Variants in CNTN4 observed in about 807,000 individuals in gnomAD.
The protein encoded by CNTN4 is contactin 4.
CNTN4 carries 77 observed loss-of-function variants against 122.5 expected under a neutral mutation model. The ratio of observed to expected loss-of-function variants is 0.63; its 90% confidence interval spans 0.52 to 0.76. The LOEUF (loss-of-function observed/expected upper bound fraction) is 0.76. Among genes scored for constraint, CNTN4 ranks in the 30% least tolerant of loss-of-function variants. The pLI is 0.00. For synonymous variants in CNTN4, 512 were observed against 447.0 expected (o/e 1.15, Z -1.83); for missense variants, 1,256 against 1,259.1 (o/e 1.00, Z 0.04).
At chr3:2,211,176 G>C (rs2092308048) in intron 2 of CNTN4, among the ~76,000 whole-genome samples, 1 of 152,122 alleles carries the variant, frequency 6.6e-6, no homozygotes, top group Admixed American at 6.6e-5. Flanking sequence ...TATGTCAAAA[G>C]CAGAAGCAAG....
intron 5 of CNTN4, among the ~76,000 whole-genome samples, chr3:2,744,947 G>A (rs1418772887): frequency 6.6e-6 from 1 of 152,154 alleles, no homozygotes; most frequent in Admixed American, 6.5e-5. Context: ...GTGTGCCGGT[G>A]GTGAAGGAGC....
At chr3:2,436,042 T>C (rs2048246630) in intron 3 of CNTN4, among the ~76,000 whole-genome samples, 1 of 152,164 alleles carries the variant, frequency 6.6e-6, no homozygotes, top group South Asian at 2.1e-4. Context: ...TTGAGTGAAG[T>C]TGAATTGAAT....
intron 13 of CNTN4, among the ~76,000 whole-genome samples, chr3:2,970,098 T>C (rs1577447105): frequency 6.7e-6 from 1 of 148,164 alleles, no homozygotes; most frequent in East Asian, 1.9e-4. Flanking sequence ...TTGTTTGTTG[T>C]TGTTGTTTTA....
At chr3:2,627,670 T>TG (rs2082255492) in intron 4 of CNTN4, among the ~76,000 whole-genome samples, 1 of 151,918 alleles carries the variant, frequency 6.6e-6, no homozygotes, top group Non-Finnish European at 1.5e-5. Flanking sequence ...ATTTTTTGTA[T>TG]TTTTAGTAGA....
At chr3:2,305,848 G>T (rs1211793025) in intron 2 of CNTN4, among the ~76,000 whole-genome samples, 3 of 152,076 alleles carry the variant, frequency 2.0e-5, no homozygotes, top group African/African-American at 7.2e-5. Context: ...GTATAGATTT[G>T]CCTGTTCAAG....
intron 2 of CNTN4, among the ~76,000 whole-genome samples, chr3:2,254,159 T>G (rs1332092592): frequency 6.6e-6 from 1 of 151,802 alleles, no homozygotes; most frequent in Non-Finnish European, 1.5e-5. Flanking sequence ...CTGTTCCTGT[T>G]TTAGTTTGCT....
At position 3,052,637 on chromosome 3, in the gene CNTN4, C is replaced by T. The variant is rs1701377782; in HGVS notation, c.2812-1170C>T. On this transcript the variant is annotated intron_variant, in intron 23 of 24. Transcript: ENST00000418658. ...AGTAAATCCAATCACAGCAGGCAAT[C>T]CCAGGTAAGTGAATGTGTTTTTAGG... Among the ~76,000 whole-genome samples, 3 of 152,284 alleles carry T rather than the reference C, an allele frequency of 2.0e-5. No homozygotes were observed. In the South Asian group the frequency reaches 6.2e-4, roughly 32 times the overall value.
intron 7 of CNTN4, among the ~76,000 whole-genome samples, chr3:2,837,014 T>G: frequency 6.6e-6 from 1 of 152,172 alleles, no homozygotes; most frequent in East Asian, 1.9e-4. Context: ...TTTATAATTA[T>G]TGGGTGATGA....
chr3:2,721,162 A>G (rs1402348836), intron 4 of CNTN4, among the ~76,000 whole-genome samples: 1 of 151,894 alleles, frequency 6.6e-6, no homozygotes, highest in Non-Finnish European at 1.5e-5. Flanking sequence ...AGTAGAGATG[A>G]GGGTTCACCA....
chr3:2,100,799 T>G (rs1005049135), intron 2 of CNTN4, among the ~76,000 whole-genome samples, 160 bp downstream of exon 2: 2 of 152,230 alleles, frequency 1.3e-5, no homozygotes, highest in Admixed American at 1.3e-4. Context: ...ATTTGTTTGT[T>G]GAAGCTGGTT....
At chr3:2,425,114 C>A (rs984554529) in intron 3 of CNTN4, among the ~76,000 whole-genome samples, 4 of 152,138 alleles carry the variant, frequency 2.6e-5, no homozygotes, top group African/African-American at 4.8e-5. Flanking sequence ...GTTGCCATTT[C>A]TTTTGGTATT....
chr3:2,461,487 G>T (rs999485489), intron 3 of CNTN4, among the ~76,000 whole-genome samples: 1 of 152,050 alleles, frequency 6.6e-6, no homozygotes, highest in Non-Finnish European at 1.5e-5. Flanking sequence ...TCTCTCCCAG[G>T]CTGGCCAGCT....
At chr3:2,425,264 G>A (rs1342534765) in intron 3 of CNTN4, among the ~76,000 whole-genome samples, 2 of 152,154 alleles carry the variant, frequency 1.3e-5, no homozygotes, top group Non-Finnish European at 2.9e-5. Flanking sequence ...GTAAGGAAGG[G>A]ATCCAGTTTC....
At chr3:2,409,446 A>G (rs999396400) in intron 3 of CNTN4, among the ~76,000 whole-genome samples, 2 of 151,802 alleles carry the variant, frequency 1.3e-5, no homozygotes, top group African/African-American at 2.4e-5. Context: ...AGAAGGTTTC[A>G]CTGTGTTAGC....
At chr3:2,677,104 ATAGATAGATAGATAGATCACTCTTT>A (rs1397735844) in intron 4 of CNTN4, among the ~76,000 whole-genome samples, 2 of 149,056 alleles carry the variant, frequency 1.3e-5, no homozygotes, top group Admixed American at 6.7e-5. Flanking sequence ...CTCTCTCTCT[ATAGATAGATAGATAGATCACTCTTT>A]TAGATAGATA....
At chr3:2,701,686 C>A (rs955137869) in intron 4 of CNTN4, among the ~76,000 whole-genome samples, 1 of 152,090 alleles carries the variant, frequency 6.6e-6, no homozygotes, top group African/African-American at 2.4e-5. Flanking sequence ...GATGAGATAA[C>A]TGGGGCTCAA....
intron 2 of CNTN4, among the ~76,000 whole-genome samples, chr3:2,200,850 C>G (rs964347735): frequency 6.6e-6 from 1 of 152,058 alleles, no homozygotes; most frequent in Non-Finnish European, 1.5e-5. Flanking sequence ...AGTAGAGAAG[C>G]AGAGAAGAAT....
chr3:2,328,343 T>C (rs1290490791), intron 2 of CNTN4, among the ~76,000 whole-genome samples: 4 of 150,508 alleles, frequency 2.7e-5, no homozygotes, highest in East Asian at 2.0e-4. Flanking sequence ...GAGGCGGAGC[T>C]TGCGGTGAGC....
chr3:2,177,894 T>G (rs2036828192), intron 2 of CNTN4, among the ~76,000 whole-genome samples: 1 of 152,150 alleles, frequency 6.6e-6, no homozygotes, highest in Admixed American at 6.6e-5. Flanking sequence ...AGGTGACGCA[T>G]AAAATTTAAC....
Sources: allele counts gnomAD v4.1 joint callset (sites outside exome capture counted in the v4.1 genomes callset), GRCh38; gene constraint gnomAD v4.1.1; transcripts MANE v1.5; gene names NCBI Gene and HGNC (gene_info 2026-07-23, HGNC 2026-07-21).